The following FOCAD variants were observed in gnomAD, a reference collection of about 807,000 sequenced individuals.
FOCAD encodes KIAA1797.
Under a neutral mutation model 225.6 loss-of-function variants are expected in FOCAD, and 198 were observed. The ratio of observed to expected loss-of-function variants is 0.88; its 90% CI spans 0.78 to 0.99. The LOEUF (loss-of-function observed/expected upper bound fraction) is 0.99. FOCAD is among the 50% of genes least tolerant of loss of function. The pLI is 0.00. For synonymous variants in FOCAD, 897 were observed against 755.0 expected (o/e 1.19, Z -3.08); for missense variants, 2,713 against 2,123.6 (o/e 1.28, Z -5.46).
chr9:20,753,419 A>T (rs1018403997), intron 5 of FOCAD, among the ~76,000 whole-genome samples: 4 of 151,940 alleles, frequency 2.6e-5, no homozygotes, highest in Non-Finnish European at 4.4e-5. Flanking sequence ...TGAGATAATC[A>T]TGTGGTTTTT....
chr9:20,920,720 ACTG>A (rs1834334743), intron 24 of FOCAD, among the ~76,000 whole-genome samples: 1 of 151,862 alleles, frequency 6.6e-6, no homozygotes, highest in Admixed American at 6.6e-5. Flanking sequence ...AGGTCAAAAA[ACTG>A]AACACCGCAT....
At chr9:20,969,851 C>T (rs913834679) in intron 35 of FOCAD, among the ~76,000 whole-genome samples, 1 of 151,670 alleles carries the variant, frequency 6.6e-6, no homozygotes, top group African/African-American at 2.4e-5. Context: ...TTATTTTAGC[C>T]TTGAGGACTC....
intron 4 of FOCAD, among the ~76,000 whole-genome samples, chr9:20,727,166 C>G (rs576444548): frequency 4.6e-5 from 7 of 152,198 alleles, no homozygotes; most frequent in Non-Finnish European, 1.0e-4. Context: ...GTTCTCCTTC[C>G]TTTTGTTCCC....
intron 15 of FOCAD, among the ~76,000 whole-genome samples, chr9:20,845,008 T>C (rs1826934415): frequency 6.6e-6 from 1 of 152,076 alleles, no homozygotes; most frequent in South Asian, 2.1e-4. Context: ...ATAATCCCTT[T>C]CCGATTTCTT....
chr9:20,920,625 A>C (rs1439157407), intron 24 of FOCAD, among the ~76,000 whole-genome samples: 2 of 148,554 alleles, frequency 1.3e-5, no homozygotes, highest in African/African-American at 5.0e-5. Flanking sequence ...ATGGAATACT[A>C]TGCAGCCATA....
intron 2 of FOCAD, among the ~76,000 whole-genome samples, chr9:20,674,712 A>G (rs556039675): frequency 7.2e-5 from 11 of 152,174 alleles, no homozygotes; most frequent in Non-Finnish European, 1.5e-4. Context: ...GACGATGATG[A>G]TTTTATTTGA....
At chr9:20,720,862 C>T (rs1035327799) in intron 4 of FOCAD, among the ~76,000 whole-genome samples, 11 of 152,154 alleles carry the variant, frequency 7.2e-5, no homozygotes, top group Non-Finnish European at 1.5e-5. Flanking sequence ...TGTCCATAAG[C>T]AATGCTTCTT....
chr9:20,864,105 G>A (rs1829026129), intron 16 of FOCAD, among the ~76,000 whole-genome samples: 1 of 152,034 alleles, frequency 6.6e-6, no homozygotes, highest in Non-Finnish European at 1.5e-5. Flanking sequence ...AAGCAGAAGT[G>A]AAGAAATGTA....
intron 1 of FOCAD, among the ~76,000 whole-genome samples, chr9:20,685,986 G>A (rs921903463): frequency 6.6e-6 from 1 of 152,046 alleles, no homozygotes; most frequent in African/African-American, 2.4e-5. Flanking sequence ...AAATCGTTTG[G>A]CCTTTTTCCC....
At position 20,747,725 on chromosome 9, in the gene FOCAD, C is replaced by T. The variant is rs546256352; in HGVS notation, c.392+7385C>T. ...TTTCAAGGTTTCATTCATGTTGTAG[C>T]ATGCATCCATACTTCATTCCTTTTA... is the stretch of plus-strand genomic sequence containing the variant. On this transcript the variant is annotated intron_variant, in intron 5 of 43. Coordinates refer to ENST00000338382, the MANE Select transcript of FOCAD (RefSeq NM_001375567.1). 2.0e-5 allele frequency among the ~76,000 whole-genome samples: 3 copies of T among 151,968 alleles called. No homozygotes were observed. The South Asian group carries it at 6.2e-4, about 31-fold the overall frequency.
In FOCAD at chr9:20,822,074, T is replaced by C. The variant is rs182508841; in HGVS notation, c.1794-915T>C. On this transcript the variant is annotated intron_variant, in intron 14 of 43. Transcript: ENST00000338382. ...ATTGGGAGTTTGAATTTTACTGAGC[T>C]ATTGGCATGGAAAAAAATTCAGAGA... Among the ~76,000 whole-genome samples the C allele has an allele frequency of 3.6e-3, 533 of 149,820 alleles. 5 individuals are homozygous for C. Among genetic ancestry groups the C allele is most frequent in the African/African-American group, 0.012 (500 of 40,730 alleles).
chr9:20,691,197 C>A (rs1822955607), intron 1 of FOCAD, among the ~76,000 whole-genome samples: 1 of 152,144 alleles, frequency 6.6e-6, no homozygotes, highest in South Asian at 2.1e-4. Flanking sequence ...CCTGCCTTGG[C>A]CTCCCAAAGT....
intron 34 of FOCAD, chr9:20,952,380 AT>A (rs1481684820): frequency 1.3e-5 from 2 of 152,238 alleles, no homozygotes; most frequent in African/African-American, 4.8e-5. Flanking sequence ...TGAAACAATT[AT>A]GGGAAACTGG....
chr9:20,850,838 C>T (rs1372575581), intron 15 of FOCAD, among the ~76,000 whole-genome samples: 1 of 148,658 alleles, frequency 6.7e-6, no homozygotes, highest in African/African-American at 2.5e-5. Context: ...ATTTCCCCCT[C>T]TATATCTAGT....
intron 4 of FOCAD, among the ~76,000 whole-genome samples, chr9:20,722,003 CCCTT>C (rs1281657181): frequency 1.1e-4 from 11 of 99,330 alleles, no homozygotes; most frequent in African/African-American, 4.1e-4. Flanking sequence ...CTCCCTCCCT[CCCTT>C]CCTTCCTTCC....
intron 15 of FOCAD, among the ~76,000 whole-genome samples, chr9:20,858,009 G>A (rs1160428516): frequency 6.6e-6 from 1 of 151,332 alleles, no homozygotes; most frequent in East Asian, 1.9e-4. Context: ...TTTTGTTGAC[G>A]TTTCACATCT....
intron 1 of FOCAD, among the ~76,000 whole-genome samples, chr9:20,705,718 A>T (rs1378226425): frequency 6.6e-6 from 1 of 151,828 alleles, no homozygotes; most frequent in East Asian, 1.9e-4. Context: ...TAAAAATTAT[A>T]ATATTGGAAA....
chr9:20,708,221 A>G (rs1824549033), intron 1 of FOCAD, among the ~76,000 whole-genome samples: 1 of 152,182 alleles, frequency 6.6e-6, no homozygotes, highest in Admixed American at 6.5e-5. Flanking sequence ...GAAAAAAGAT[A>G]AAAATTGTCA....
chr9:20,812,456 A>G (rs1451758186), intron 11 of FOCAD, among the ~76,000 whole-genome samples: 4 of 152,038 alleles, frequency 2.6e-5, no homozygotes, highest in Non-Finnish European at 4.4e-5. Context: ...CTGAAAAATT[A>G]TGCTCTTTTT....
Sources: gnomAD v4.1 joint callset for allele counts (sites outside exome capture counted in the v4.1 genomes callset) on GRCh38, gnomAD v4.1.1 for gene constraint, MANE v1.5 for transcripts, NCBI Gene and HGNC (gene_info 2026-07-23, HGNC 2026-07-21) for gene names.